The following PACRG variants were observed in gnomAD, a reference collection of about 807,000 sequenced individuals.
PACRG encodes parkin coregulated gene protein.
A neutral mutation model predicts 29.7 loss-of-function variants in PACRG; 29 were observed. The ratio of observed to expected loss-of-function variants is 0.98; its 90% confidence interval spans 0.73 to 1.33. The LOEUF is 1.33. PACRG is among the 40% of genes most tolerant of loss of function. PACRG has a pLI of 0.00. For synonymous variants in PACRG, 116 were observed against 118.7 expected (o/e 0.98, Z 0.15); for missense variants, 279 against 316.2 (o/e 0.88, Z 0.89).
chr6:162,752,113 A>C (rs1354860499), intron 1 of PACRG, among the ~76,000 whole-genome samples: 1 of 152,224 alleles, frequency 6.6e-6, no homozygotes, highest in Non-Finnish European at 1.5e-5. Flanking sequence ...AAGACACGAA[A>C]CAAGTTCCAA....
At chr6:163,105,880 C>G (rs1815354028) in intron 4 of PACRG, among the ~76,000 whole-genome samples, 1 of 152,080 alleles carries the variant, frequency 6.6e-6, no homozygotes, top group African/African-American at 2.4e-5. Context: ...AGTTGTTCTT[C>G]CAGTCACATT....
At chr6:162,784,562 T>C (rs549215461) in intron 1 of PACRG, among the ~76,000 whole-genome samples, 26 of 152,318 alleles carry the variant, frequency 1.7e-4, no homozygotes, top group Admixed American at 8.5e-4. Flanking sequence ...TTGTTTGTCA[T>C]AGCAAATTCT....
intron 2 of PACRG, among the ~76,000 whole-genome samples, chr6:162,904,001 A>G (rs1261110838): frequency 6.6e-6 from 1 of 152,168 alleles, no homozygotes; most frequent in Non-Finnish European, 1.5e-5. Flanking sequence ...CAGCCTGGAA[A>G]TAAGTGTTGA....
intron 4 of PACRG, among the ~76,000 whole-genome samples, chr6:163,197,419 A>G (rs1031600004): frequency 8.6e-4 from 96 of 111,960 alleles, no homozygotes; most frequent in Non-Finnish European, 1.7e-3. Flanking sequence ...ACTGGTGGCT[A>G]TTTTCTTTTC....
At chr6:163,245,208 T>C in intron 4 of PACRG, 1 of 265,254 alleles carries the variant, frequency 3.8e-6, no homozygotes, top group South Asian at 4.0e-5. Context: ...CATTTAGTAA[T>C]AGTTTATTAT....
At chr6:163,163,861 T>C (rs1778675531) in intron 4 of PACRG, among the ~76,000 whole-genome samples, 1 of 152,112 alleles carries the variant, frequency 6.6e-6, no homozygotes, top group African/African-American at 2.4e-5. Flanking sequence ...AGATACATTT[T>C]CAAAGGGAAA....
At chr6:162,874,849 T>C (rs1793159236) in intron 2 of PACRG, among the ~76,000 whole-genome samples, 3 of 151,624 alleles carry the variant, frequency 2.0e-5, no homozygotes, top group Admixed American at 2.0e-4. Context: ...CACATTCACA[T>C]CATTCACACA....
intron 2 of PACRG, among the ~76,000 whole-genome samples, chr6:163,032,928 A>G (rs1326189831): frequency 6.6e-6 from 1 of 152,156 alleles, no homozygotes; most frequent in African/African-American, 2.4e-5. Flanking sequence ...TTTTATTCCA[A>G]TGTTTAGTTT....
At chr6:163,185,974 G>C (rs578160531) in intron 4 of PACRG, among the ~76,000 whole-genome samples, 6 of 152,112 alleles carry the variant, frequency 3.9e-5, no homozygotes, top group Non-Finnish European at 8.8e-5. Flanking sequence ...GGCAGTGAGT[G>C]GGGGAGGGCG....
At chr6:162,960,050 A>T (rs1424770723) in intron 2 of PACRG, among the ~76,000 whole-genome samples, 1 of 152,222 alleles carries the variant, frequency 6.6e-6, no homozygotes, top group Non-Finnish European at 1.5e-5. Context: ...TCAAACCACA[A>T]TGAGGTACCA....
At chr6:163,004,423 G>A (rs1411107995) in intron 2 of PACRG, among the ~76,000 whole-genome samples, 1 of 151,802 alleles carries the variant, frequency 6.6e-6, no homozygotes, top group East Asian at 1.9e-4. Context: ...CAATCATGGT[G>A]GAAGGTGAAG....
intron 1 of PACRG, among the ~76,000 whole-genome samples, chr6:162,751,937 C>T (rs578066211): frequency 6.6e-6 from 1 of 152,138 alleles, no homozygotes; most frequent in African/African-American, 2.4e-5. Context: ...GCCTTGGTCA[C>T]ATTTCTAATT....
intron 2 of PACRG, among the ~76,000 whole-genome samples, chr6:162,848,903 T>C (rs1340669745): frequency 6.6e-6 from 1 of 152,182 alleles, no homozygotes; most frequent in Non-Finnish European, 1.5e-5. Context: ...GTATATAAAA[T>C]ACACAATCAG....
chr6:162,945,600 A>C (rs1207169818), intron 2 of PACRG, among the ~76,000 whole-genome samples: 1 of 152,104 alleles, frequency 6.6e-6, no homozygotes, highest in Non-Finnish European at 1.5e-5. Flanking sequence ...GTATAGACAG[A>C]AAATCAACAG....
At chr6:162,914,367 T>G (rs1226663218) in intron 2 of PACRG, among the ~76,000 whole-genome samples, 5 of 152,138 alleles carry the variant, frequency 3.3e-5, no homozygotes, top group Non-Finnish European at 7.4e-5. Context: ...CGTATACATA[T>G]GGAATAGAAT....
chr6:162,727,516 G>C (rs1276967984), upstream of PACRG: 1 of 892,920 alleles, frequency 1.1e-6, no homozygotes, highest in Non-Finnish European at 1.7e-6. Context: ...GGGGAGCCCG[G>C]CGGCGCGGGC....
At chr6:163,194,978 C>T (rs117280509) in intron 4 of PACRG, among the ~76,000 whole-genome samples, 13 of 152,248 alleles carry the variant, frequency 8.5e-5, no homozygotes, top group Non-Finnish European at 1.6e-4. Context: ...CCCTCTACAT[C>T]GGTGTCCACG....
At chr6:163,073,947 A>C (rs1274764244) in intron 3 of PACRG, among the ~76,000 whole-genome samples, 1 of 152,108 alleles carries the variant, frequency 6.6e-6, no homozygotes, top group African/African-American at 2.4e-5. Context: ...TGGTGAGGAA[A>C]AGGGAACCCT....
At position 163,081,057 on chromosome 6, in the gene PACRG, C is replaced by T. The variant is rs187269501; in HGVS notation, c.464-8202C>T. On this transcript the variant is annotated intron_variant, in intron 3 of 4. Transcript: ENST00000366888. ...TATTTACTTATATAGCAATTGAGCT[C>T]TGTTATGGAAGGAGAAAAATTTCTA... is the stretch of plus-strand genomic sequence containing the variant. 1.6e-3 allele frequency among the ~76,000 whole-genome samples: 246 copies of T among 152,152 alleles called. 1 individual carries two copies. Among genetic ancestry groups the T allele is most frequent in the African/African-American group, 5.5e-3 (230 of 41,504 alleles).
Sources: allele counts gnomAD v4.1 joint callset (sites outside exome capture counted in the v4.1 genomes callset), GRCh38; gene constraint gnomAD v4.1.1; transcripts MANE v1.5; gene names NCBI Gene and HGNC (gene_info 2026-07-23, HGNC 2026-07-21).